XKR9: variants seen among roughly 807,000 people sequenced by gnomAD.
XKR9 encodes the protein XK related 9, also known as XK-related protein 9.
XKR9 carries 32 observed loss-of-function variants against 32.0 expected under a neutral mutation model. The ratio of observed to expected loss-of-function variants is 1.00; its 90% CI spans 0.76 to 1.34. The LOEUF (loss-of-function observed/expected upper bound fraction) is 1.34, where lower values mean the gene tolerates loss of function less well. XKR9 is among the 40% of genes most tolerant of loss of function. XKR9 has a pLI of 0.00. For synonymous variants in XKR9, 168 were observed against 143.4 expected (o/e 1.17, Z -1.22); for missense variants, 546 against 429.7 (o/e 1.27, Z -2.39).
the XKR9 span, among the ~76,000 whole-genome samples, chr8:71,034,542 A>G: frequency 6.6e-6 from 1 of 152,192 alleles, no homozygotes; most frequent in African/African-American, 2.4e-5. Flanking sequence ...GGAGTCCTGA[A>G]TTGTCATGTA....
chr8:71,053,152 A>G, the XKR9 span, among the ~76,000 whole-genome samples: 1 of 152,182 alleles, frequency 6.6e-6, no homozygotes, highest in Non-Finnish European at 1.5e-5. Flanking sequence ...GAATTTAAAA[A>G]CCCTAAATTA....
the XKR9 span, among the ~76,000 whole-genome samples, chr8:70,945,045 C>T: frequency 1.3e-5 from 2 of 152,156 alleles, no homozygotes; most frequent in African/African-American, 4.8e-5. Context: ...CAGTGTGGAA[C>T]TGGGTACAGA....
At chr8:70,782,114 T>A (rs1021066486) in intron 2 of XKR9, among the ~76,000 whole-genome samples, 2 of 149,184 alleles carry the variant, frequency 1.3e-5, no homozygotes, top group Admixed American at 6.7e-5. Flanking sequence ...GGACTTAGGT[T>A]GAACTTCAAA....
chr8:70,736,013 G>C (rs1806854615), downstream of XKR9: 1 of 152,082 alleles, frequency 6.6e-6, no homozygotes, highest in South Asian at 2.1e-4. Context: ...GGTATTTCTA[G>C]TTCTAGATCC....
the XKR9 span, among the ~76,000 whole-genome samples, chr8:71,033,823 A>G: frequency 1.3e-5 from 2 of 152,114 alleles, no homozygotes; most frequent in Non-Finnish European, 1.5e-5. Flanking sequence ...CCAATTTTGA[A>G]CTTTCCAGCC....
intron 4 of XKR9, among the ~76,000 whole-genome samples, chr8:70,719,265 G>A (rs979879753): frequency 6.6e-5 from 10 of 151,944 alleles, no homozygotes; most frequent in Non-Finnish European, 1.2e-4. Flanking sequence ...GCCTGTTCAC[G>A]CTGATGATAG....
the XKR9 span, among the ~76,000 whole-genome samples, chr8:70,810,616 CA>C: frequency 4.0e-5 from 6 of 151,650 alleles, no homozygotes; most frequent in East Asian, 1.9e-4. Context: ...AAATGGAAAA[CA>C]AAAAAAGGCA....
chr8:70,748,616 G>T (rs1248288096), intron 2 of XKR9, among the ~76,000 whole-genome samples: 1 of 152,208 alleles, frequency 6.6e-6, no homozygotes, highest in Admixed American at 6.5e-5. Flanking sequence ...GAGGAGCCTG[G>T]GCGCTGTGGA....
the XKR9 span, among the ~76,000 whole-genome samples, chr8:70,885,147 G>A: frequency 6.6e-6 from 1 of 151,830 alleles, no homozygotes; most frequent in South Asian, 2.1e-4. Flanking sequence ...TGTAAGTGAT[G>A]TTGTGTTTTA....
At chr8:70,862,999 G>T in the XKR9 span, among the ~76,000 whole-genome samples, 1 of 152,128 alleles carries the variant, frequency 6.6e-6, no homozygotes, top group Non-Finnish European at 1.5e-5. Context: ...GCAGGAGGGA[G>T]CATGAGTTGT....
the XKR9 span, among the ~76,000 whole-genome samples, chr8:71,053,748 A>C: frequency 6.6e-6 from 1 of 152,138 alleles, no homozygotes; most frequent in South Asian, 2.1e-4. Context: ...CTGTTTCTCC[A>C]CTCCTTTGAA....
intron 2 of XKR9, among the ~76,000 whole-genome samples, chr8:70,752,383 A>G (rs1443423294): frequency 2.0e-5 from 3 of 152,178 alleles, no homozygotes; most frequent in African/African-American, 4.8e-5. Flanking sequence ...TTGAGTGGCC[A>G]CATCTCGTTG....
At chr8:70,846,346 T>A in the XKR9 span, among the ~76,000 whole-genome samples, 1 of 151,770 alleles carries the variant, frequency 6.6e-6, no homozygotes, top group Non-Finnish European at 1.5e-5. Context: ...TATACCATCA[T>A]AAAAACACAG....
chr8:70,840,686 G>C, the XKR9 span, among the ~76,000 whole-genome samples: 1 of 152,106 alleles, frequency 6.6e-6, no homozygotes, highest in Non-Finnish European at 1.5e-5. Context: ...TCCCTGAGAG[G>C]CCTGTGCATC....
At chr8:70,886,463 A>G in the XKR9 span, among the ~76,000 whole-genome samples, 1 of 152,226 alleles carries the variant, frequency 6.6e-6, no homozygotes, top group African/African-American at 2.4e-5. Context: ...AGGAATCACC[A>G]CATGGTTTTC....
the XKR9 span, among the ~76,000 whole-genome samples, chr8:70,843,388 T>G: frequency 6.6e-6 from 1 of 152,208 alleles, no homozygotes; most frequent in East Asian, 1.9e-4. Flanking sequence ...TACAGAAATA[T>G]TTGTATTTGA....
At chr8:70,840,281 A>G in the XKR9 span, among the ~76,000 whole-genome samples, 5 of 151,998 alleles carry the variant, frequency 3.3e-5, no homozygotes, top group Non-Finnish European at 7.4e-5. Flanking sequence ...AGATATGGAA[A>G]CTCAGGTAAT....
At chr8:70,715,045 C>T (rs933688491) in intron 4 of XKR9, among the ~76,000 whole-genome samples, 1 of 152,050 alleles carries the variant, frequency 6.6e-6, no homozygotes, top group Admixed American at 6.6e-5. Flanking sequence ...GCAAAAATGT[C>T]AAATAATAGT....
At chr8:70,874,035 A>G in the XKR9 span, among the ~76,000 whole-genome samples, 1 of 152,246 alleles carries the variant, frequency 6.6e-6, no homozygotes, top group Non-Finnish European at 1.5e-5. Flanking sequence ...TTGAAGGCTC[A>G]GATTGTTGTT....
Sources: allele counts gnomAD v4.1 joint callset (sites outside exome capture counted in the v4.1 genomes callset), GRCh38; gene constraint gnomAD v4.1.1; transcripts MANE v1.5; gene names NCBI Gene and HGNC (gene_info 2026-07-23, HGNC 2026-07-21).